Variants in ATP6V0A1 observed in about 807,000 individuals in gnomAD.
ATP6V0A1 encodes the protein V-type proton ATPase 116 kDa subunit a 1.
In ATP6V0A1, 43 loss-of-function variants were observed where a neutral mutation model predicts 105.4. The ratio of observed to expected loss-of-function variants is 0.41; its 90% CI spans 0.32 to 0.53. The LOEUF is 0.53. ATP6V0A1 is among the 20% of genes least tolerant of loss of function. The probability of loss-of-function intolerance (pLI) is 0.30; values close to 1 mark genes in which losing one functional copy is unlikely to be tolerated. For missense variants in ATP6V0A1, 676 were observed against 1,051.1 expected (o/e 0.64, Z 4.93); for synonymous variants, 362 against 372.8 (o/e 0.97, Z 0.33).
At chr17:42,467,378 C>T (rs2087231305) in intron 3 of ATP6V0A1, among the ~76,000 whole-genome samples, 1 of 152,126 alleles carries the variant, frequency 6.6e-6, no homozygotes, top group African/African-American at 2.4e-5. Context: ...CTCAAAAGTC[C>T]ATGATCTTGC....
At chr17:42,473,575 A>G (rs1567816995) in intron 5 of ATP6V0A1, among the ~76,000 whole-genome samples, 1 of 152,200 alleles carries the variant, frequency 6.6e-6, no homozygotes, top group Admixed American at 6.5e-5. Flanking sequence ...ACCTTTTAGC[A>G]TTATTTGGAG....
At position 42,466,527 on chromosome 17, in the gene ATP6V0A1, G is replaced by A; in HGVS notation, c.196+20G>A. 1.9e-6 allele frequency: 3 copies of A among 1,592,828 alleles called. No homozygotes were observed. The highest frequency in any genetic ancestry group is 2.6e-6 in the Non-Finnish European group (3 of 1,161,330). ...AGCTTCGTATGTGCACTTTGGTCTT[G>A]TGTAATGTTCCTTTAATGAATCATT... On this transcript the variant is annotated intron_variant, in intron 3 of 21. Transcript: ENST00000343619.
chr17:42,459,485 A>G (rs982678501), intron 1 of ATP6V0A1, among the ~76,000 whole-genome samples: 1 of 152,220 alleles, frequency 6.6e-6, no homozygotes, highest in Admixed American at 6.5e-5. Context: ...GTCCAGAACT[A>G]CTTTGGCCTA....
chr17:42,462,280 C>T (rs560393757), intron 2 of ATP6V0A1, among the ~76,000 whole-genome samples: 13 of 151,918 alleles, frequency 8.6e-5, no homozygotes, highest in Non-Finnish European at 1.9e-4. Context: ...CTACTATCTG[C>T]TTAAGAGGGA....
intron 21 of ATP6V0A1, among the ~76,000 whole-genome samples, chr17:42,516,170 A>G (rs1249148730): frequency 6.6e-6 from 1 of 152,158 alleles, no homozygotes; most frequent in East Asian, 1.9e-4. Flanking sequence ...CTTCGTTCTC[A>G]AAACCTGAAG....
At chr17:42,494,559 T>C in intron 12 of ATP6V0A1, 86 bp downstream of exon 12, 3 of 1,442,992 alleles carry the variant, frequency 2.1e-6, no homozygotes, top group South Asian at 1.3e-5. Context: ...GGAAGTCTTT[T>C]ATCCATGAAT....
chr17:42,504,436 G>A (rs1215101346), intron 17 of ATP6V0A1, among the ~76,000 whole-genome samples: 1 of 152,116 alleles, frequency 6.6e-6, no homozygotes, highest in African/African-American at 2.4e-5. Context: ...CTTCAGAAAT[G>A]GCCTTCTACT....
Position 42,521,090 on chromosome 17 carries a change from G to A in ATP6V0A1, c.2484G>A (p.Glu828=). The A allele has an allele frequency of 1.2e-6, 2 of 1,609,892 alleles. No individual in the cohort carries two copies. Among genetic ancestry groups the A allele is most frequent in the Non-Finnish European group, 1.7e-6 (2 of 1,178,042 alleles). ...TCAAGTTCTTACCCTTCTCCTTCGA[G>A]CATATTCGGGAAGGGAAGTTTGAAG... ...TGFKFLPFSF[E]HIREGKFEE is the part of the protein sequence containing the mutation. The change falls in exon 22 of 22, where the codon GAG becomes GAA. Residue 828 remains glutamate, a synonymous_variant. Transcript: ENST00000343619. This position sits in a 1 kb window ranked among gnomAD's most constrained non-coding sequence, Gnocchi z 4.8.
At chr17:42,489,595 G>A (rs1447043052) in intron 10 of ATP6V0A1, among the ~76,000 whole-genome samples, 2 of 152,024 alleles carry the variant, frequency 1.3e-5, no homozygotes, top group Admixed American at 1.3e-4. Flanking sequence ...TTCCTAGCAA[G>A]GTGCAGGAGA....
chr17:42,477,840 A>G (rs924198730), intron 6 of ATP6V0A1, 98 bp downstream of exon 6: 1 of 1,007,176 alleles, frequency 9.9e-7, no homozygotes, highest in Non-Finnish European at 1.5e-6. Context: ...CTACCAGGAT[A>G]TGCCCTCTTC....
intron 14 of ATP6V0A1, among the ~76,000 whole-genome samples, chr17:42,497,080 T>C (rs1422504773): frequency 6.6e-6 from 1 of 151,050 alleles, no homozygotes; most frequent in Non-Finnish European, 1.5e-5. Flanking sequence ...GGCAGACAGA[T>C]GACTTGCGGT....
intron 21 of ATP6V0A1, chr17:42,520,232 A>AT: frequency 2.8e-6 from 1 of 353,712 alleles, no homozygotes; most frequent in Non-Finnish European, 5.6e-6. Flanking sequence ...TGAATCATGC[A>AT]TTTTTCTGCC....
chr17:42,508,593 A>G lies in ATP6V0A1; in HGVS notation c.2130+4A>G. 1 of 1,614,012 alleles carries G rather than the reference A, an allele frequency of 6.2e-7. No individual in the cohort carries two copies. Among genetic ancestry groups the G allele is most frequent in the South Asian group, 1.1e-5 (1 of 91,080 alleles). ...CAAGCCTTCCGAGGACGAAGTGGTA[A>G]GATGAAAGCTGGCGTTGCCTTCGTG... On this transcript the variant is annotated splice_donor_region_variant and intron_variant, in intron 19 of 21. Transcript: ENST00000343619.
At chr17:42,482,431 G>A (rs1567828134) in intron 8 of ATP6V0A1, among the ~76,000 whole-genome samples, 1 of 152,080 alleles carries the variant, frequency 6.6e-6, no homozygotes, top group Non-Finnish European at 1.5e-5. Flanking sequence ...ACAGGCGTGA[G>A]CCACTGCACC....
intron 19 of ATP6V0A1, chr17:42,509,634 C>T (rs2092246416): frequency 6.6e-6 from 1 of 152,262 alleles, no homozygotes; most frequent in Non-Finnish European, 1.5e-5. Context: ...GGGGCGTGCT[C>T]CATGTTAATG....
At chr17:42,503,446 G>A (rs2091831712) in intron 17 of ATP6V0A1, among the ~76,000 whole-genome samples, 1 of 152,186 alleles carries the variant, frequency 6.6e-6, no homozygotes, top group African/African-American at 2.4e-5. Context: ...TGTGTCGTGT[G>A]TACTGTCATC....
At chr17:42,465,440 A>G (rs574883993) in intron 2 of ATP6V0A1, among the ~76,000 whole-genome samples, 9 of 150,708 alleles carry the variant, frequency 6.0e-5, no homozygotes, top group Admixed American at 2.6e-4. Flanking sequence ...ACAGATGTAC[A>G]CTACCATGCC....
chr17:42,482,934 C>T (rs1041188340), intron 8 of ATP6V0A1, 104 bp from the exon 9 acceptor site: 14 of 510,530 alleles, frequency 2.7e-5, no homozygotes, highest in East Asian at 4.0e-5. Flanking sequence ...CTTAATACAT[C>T]GGTCTGACCT....
chr17:42,469,893 C>T (rs1340628393), intron 4 of ATP6V0A1, among the ~76,000 whole-genome samples, 197 bp from the exon 5 acceptor site: 2 of 152,156 alleles, frequency 1.3e-5, no homozygotes, highest in Non-Finnish European at 2.9e-5. Flanking sequence ...CCACCCGCCT[C>T]GGCCCAGGAG....
Sources: allele counts gnomAD v4.1 joint callset (sites outside exome capture counted in the v4.1 genomes callset), GRCh38; gene constraint gnomAD v4.1.1; non-coding constraint Gnocchi (gnomAD v3.1); transcripts MANE v1.5; gene names NCBI Gene and HGNC (gene_info 2026-07-23, HGNC 2026-07-21).